WIPF3: variants seen among roughly 807,000 people sequenced by gnomAD.
The protein encoded by WIPF3 is WAS/WASL-interacting protein family member 3.
WIPF3 carries 33 observed loss-of-function variants against 38.9 expected under a neutral mutation model. The ratio of observed to expected loss-of-function variants is 0.85; its 90% confidence interval spans 0.64 to 1.14. The LOEUF (loss-of-function observed/expected upper bound fraction) is 1.14. WIPF3 is among the 50% of genes most tolerant of loss of function. WIPF3 has a pLI of 0.00. For synonymous variants in WIPF3, 324 were observed against 269.3 expected (o/e 1.20, Z -1.99); for missense variants, 711 against 652.5 (o/e 1.09, Z -0.98).
Position 29,912,485 on chromosome 7 carries a change from A to G in WIPF3, c.1429-2008A>G, listed in dbSNP as rs138334629. The G allele has an allele frequency of 8.1e-4, 149 of 185,068 alleles. 1 individual carries two copies. The highest frequency in any genetic ancestry group is 3.4e-3 in the African/African-American group (144 of 42,964). The allele number at this position is 185,068 out of a possible 1,614,324, so 11.5% of individuals were successfully genotyped here. On this transcript the variant is annotated intron_variant, in intron 8 of 8. Transcript: ENST00000242140. ...AAGAGATATTTGTACACCCATGTTC[A>G]TAGCAGCATTATTTACAATAGCTAA...
Position 29,901,383 on chromosome 7 carries a change from ATTTT to A in WIPF3, c.1352-2879_1352-2876del, listed in dbSNP as rs543723994. 5.5e-3 allele frequency among the ~76,000 whole-genome samples: 673 copies of A among 122,170 alleles called. 11 individuals carry two copies. The highest frequency in any genetic ancestry group is 0.022 in the African/African-American group (639 of 29,094). 80.1% of individuals were successfully genotyped at this position (122,170 alleles called of 152,430 possible). On this transcript the variant is annotated intron_variant, in intron 7 of 8. Coordinates refer to ENST00000242140, the MANE Select transcript of WIPF3 (RefSeq NM_001080529.3). Reference sequence around the variant, plus strand: ...CGGCCACTCACTTCTAGCAGCAGTGATTTTTTTTTTTTTTTTTTTTTTTTTTTAC... The same window carrying A: ...CGGCCACTCACTTCTAGCAGCAGTGATTTTTTTTTTTTTTTTTTTTTTTAC...
intron 1 of WIPF3, among the ~76,000 whole-genome samples, chr7:29,824,674 C>CAG (rs1784588305): frequency 6.6e-6 from 1 of 152,042 alleles, no homozygotes; most frequent in Non-Finnish European, 1.5e-5. Flanking sequence ...GTAAGTAGCC[C>CAG]AGAGAGGAGT....
intron 2 of WIPF3, among the ~76,000 whole-genome samples, chr7:29,865,896 C>T (rs1465684001): frequency 5.9e-5 from 9 of 152,196 alleles, no homozygotes; most frequent in African/African-American, 1.9e-4. Context: ...TGGTGGCTCA[C>T]GTCTGTAATC....
chr7:29,859,624 A>T (rs979371413), intron 2 of WIPF3, among the ~76,000 whole-genome samples: 1 of 152,198 alleles, frequency 6.6e-6, no homozygotes, highest in South Asian at 2.1e-4. Context: ...TGACCCTGAG[A>T]CACAAGCTCC....
Position 29,885,708 on chromosome 7 carries a change from T to C in WIPF3, c.1099+1115T>C, listed in dbSNP as rs554321628. 2.0e-5 allele frequency among the ~76,000 whole-genome samples: 3 copies of C among 152,228 alleles called. No homozygotes were observed. The South Asian group carries it at 6.2e-4, about 32-fold the overall frequency. On this transcript the variant is annotated intron_variant, in intron 5 of 8. Transcript: ENST00000242140. ...GCAGACAACTATAGTCCCAGCTACT[T>C]GGGAGGCTAAGGCAGGAGGATCGTT... is the stretch of plus-strand genomic sequence containing the variant.
At chr7:29,838,710 C>T (rs1463306220) in intron 2 of WIPF3, among the ~76,000 whole-genome samples, 1 of 152,132 alleles carries the variant, frequency 6.6e-6, no homozygotes, top group Middle Eastern at 3.2e-3. Flanking sequence ...TAAACATGTG[C>T]ATCCTAGGTA....
intron 3 of WIPF3, among the ~76,000 whole-genome samples, chr7:29,876,765 C>T (rs1247774131): frequency 6.6e-6 from 1 of 152,160 alleles, no homozygotes; most frequent in Non-Finnish European, 1.5e-5. Flanking sequence ...AATTCTGTTT[C>T]AGAGGATGAT....
chr7:29,859,253 A>C (rs1785236652), intron 2 of WIPF3, among the ~76,000 whole-genome samples: 3 of 152,220 alleles, frequency 2.0e-5, no homozygotes. Context: ...ACGGTTGAGC[A>C]GGGAGCTGAG....
Position 29,904,272 on chromosome 7 carries a change from C to T in WIPF3, c.1352-14C>T, listed in dbSNP as rs765939930. 1 of 1,613,466 alleles carries T rather than the reference C, an allele frequency of 6.2e-7. No homozygotes were observed. Among genetic ancestry groups the T allele is most frequent in the South Asian group, 1.1e-5 (1 of 91,044 alleles). On this transcript the variant is annotated splice_polypyrimidine_tract_variant and intron_variant, in intron 7 of 8. Transcript: ENST00000242140. ...TGGGCCAATAGATAATGAGATTGTT[C>T]TTTTTTCCTTCAGGCCGTACACCTG...
chr7:29,808,451 A>C (rs1279174942), intron 1 of WIPF3, among the ~76,000 whole-genome samples: 1 of 152,240 alleles, frequency 6.6e-6, no homozygotes, highest in African/African-American at 2.4e-5. Flanking sequence ...CAGAGGTTAA[A>C]TTACTTACTC....
chr7:29,818,922 GT>G (rs1784496830), intron 1 of WIPF3, among the ~76,000 whole-genome samples: 1 of 152,148 alleles, frequency 6.6e-6, no homozygotes, highest in South Asian at 2.1e-4. Context: ...ATATCAGTAG[GT>G]TTTTTAGCAT....
Position 29,884,361 on chromosome 7 carries a change from T to TCCCCCCCCCCCCCCCCCCCCCCCCCCCC in WIPF3, c.870_871insCCCCCCCCCCCCCCCCCCCCCCCCCCCC (p.Ala291ProfsTer36). On this transcript the variant is annotated frameshift_variant, in exon 5 of 9. Transcript: ENST00000242140. LOFTEE classifies it high-confidence loss of function. ...GCCCTGCGCAAGATGCGCAGGAGCC[T>TCCCCCCCCCCCCCCCCCCCCCCCCCCCC]CCCGCCCCGCCGCCCCCGCTCCCCC... The TCCCCCCCCCCCCCCCCCCCCCCCCCCCC allele has an allele frequency of 7.6e-7, 1 of 1,317,928 alleles. No homozygotes were observed. The highest frequency in any genetic ancestry group is 9.8e-7 in the Non-Finnish European group (1 of 1,017,964). The allele number at this position is 1,317,928 out of a possible 1,614,324, so 81.6% of individuals were successfully genotyped here. A position where few individuals can be genotyped will look rare whatever the true frequency, so the allele number is the denominator to read the frequency against.
chr7:29,862,633 C>T (rs1283683610), intron 2 of WIPF3, among the ~76,000 whole-genome samples: 2 of 152,152 alleles, frequency 1.3e-5, no homozygotes, highest in Admixed American at 6.5e-5. Context: ...GTTAATGGGG[C>T]TCACTGTTTT....
chr7:29,884,202 G>A lies in WIPF3; in HGVS notation c.708G>A (p.Pro236=), dbSNP rs1158593635. ...CGCCACCTCCCCCAACGCCACCCCC[G>A]CTGCCCCCGGCCTCGGTTCTTAGTG... ...PPPPPPPTPP[P]LPPASVLSDK... Residue 236 remains proline (P), a synonymous_variant, in exon 5 of 9, where the codon CCG becomes CCA. Coordinates refer to ENST00000242140, the MANE Select transcript of WIPF3 (RefSeq NM_001080529.3). The A allele has an allele frequency of 1.5e-5, 13 of 860,268 alleles. No individual in the cohort carries two copies. Among genetic ancestry groups the A allele is most frequent in the Admixed American group, 9.3e-5 (1 of 10,756 alleles). 53.3% of individuals were successfully genotyped at this position (860,268 alleles called of 1,614,324 possible). A position where few individuals can be genotyped will look rare whatever the true frequency, so the allele number is the denominator to read the frequency against.
intron 8 of WIPF3, among the ~76,000 whole-genome samples, chr7:29,908,941 C>G (rs1264530395): frequency 6.8e-6 from 1 of 146,964 alleles, no homozygotes; most frequent in Non-Finnish European, 1.5e-5. Context: ...AGATATCAGA[C>G]AAAATATCTT....
At position 29,884,483 on chromosome 7, in the gene WIPF3, C is replaced by A. The variant is rs765733406; in HGVS notation, c.989C>A (p.Ser330Tyr). 36 of 1,563,944 alleles carry A rather than the reference C, an allele frequency of 2.3e-5. No individual in the cohort carries two copies. Among genetic ancestry groups the A allele is most frequent in the East Asian group, 2.4e-5 (1 of 41,410 alleles). ...SETPPPLPPKSPSFQAPPQKA... is the reference protein window; with the variant it reads ...SETPPPLPPKYPSFQAPPQKA... ...ACTCCACCCCCGCTACCCCCTAAAT[C>A]CCCCAGCTTCCAGGCCCCACCGCAG... Residue 330 changes from serine (S) to tyrosine (Y), a missense_variant, in exon 5 of 9, where the codon TCC becomes TAC. Coordinates refer to ENST00000242140, the MANE Select transcript of WIPF3 (RefSeq NM_001080529.3).
rs1786605555 is a variant in WIPF3 at position 29,915,897 on chromosome 7, T to A, written c.*1381T>A. ...GGAGGGAAACCAGCGAAAAAGAAATTTGCTTTGCAACAACCCACGCACACA... is the reference window on the plus strand; with the variant it reads ...GGAGGGAAACCAGCGAAAAAGAAATATGCTTTGCAACAACCCACGCACACA... On this transcript the variant is annotated 3_prime_UTR_variant, in exon 9 of 9. Coordinates refer to ENST00000242140, the MANE Select transcript of WIPF3 (RefSeq NM_001080529.3). 1 of 152,426 alleles carries A rather than the reference T, an allele frequency of 6.6e-6. No individual in the cohort carries two copies. The highest frequency in any genetic ancestry group is 1.5e-5 in the Non-Finnish European group (1 of 68,306). The allele number at this position is 152,426 out of a possible 1,614,324, so 9.4% of individuals were successfully genotyped here. A position where few individuals can be genotyped will look rare whatever the true frequency, so the allele number is the denominator to read the frequency against.
chr7:29,911,665 A>G (rs1408593950), intron 8 of WIPF3, among the ~76,000 whole-genome samples: 3 of 152,198 alleles, frequency 2.0e-5, no homozygotes, highest in Non-Finnish European at 4.4e-5. Context: ...CAAGGGTGCC[A>G]AGACCATTCA....
chr7:29,839,437 T>C (rs1453870329), intron 2 of WIPF3, among the ~76,000 whole-genome samples: 1 of 152,134 alleles, frequency 6.6e-6, no homozygotes, highest in Non-Finnish European at 1.5e-5. Flanking sequence ...AAGGGGAAAG[T>C]GTCTCTTTAA....
Sources: gnomAD v4.1 joint callset for allele counts (sites outside exome capture counted in the v4.1 genomes callset) on GRCh38, gnomAD v4.1.1 for gene constraint, MANE v1.5 for transcripts, NCBI Gene and HGNC (gene_info 2026-07-23, HGNC 2026-07-21) for gene names.